RHOBTB2: variants seen among roughly 807,000 people sequenced by gnomAD.
The protein encoded by RHOBTB2 is Rho related BTB domain containing 2.
A neutral mutation model predicts 66.5 loss-of-function variants in RHOBTB2; 39 were observed. The observed-to-expected ratio is 0.59, with a 90% confidence interval of 0.45 to 0.77. The LOEUF is 0.77. Among genes scored for constraint, RHOBTB2 ranks in the 30% least tolerant of loss-of-function variants. The probability of loss-of-function intolerance (pLI) is 0.00; values close to 1 mark genes in which losing one functional copy is unlikely to be tolerated. For missense variants in RHOBTB2, 755 were observed against 999.1 expected (o/e 0.76, Z 3.29); for synonymous variants, 390 against 395.0 (o/e 0.99, Z 0.15).
chr8:22,970,504 G>A, the RHOBTB2 span, among the ~76,000 whole-genome samples: 2 of 151,964 alleles, frequency 1.3e-5, no homozygotes, highest in South Asian at 2.1e-4. Context: ...GGGAGACTAA[G>A]GCAGGAGGAT....
chr8:22,955,319 C>T, the RHOBTB2 span, among the ~76,000 whole-genome samples: 1 of 152,178 alleles, frequency 6.6e-6, no homozygotes, highest in Non-Finnish European at 1.5e-5. Flanking sequence ...GTAGCCCCTG[C>T]ACCGCCTTTC....
the RHOBTB2 span, among the ~76,000 whole-genome samples, chr8:22,952,353 A>G: frequency 6.6e-6 from 1 of 152,142 alleles, no homozygotes; most frequent in Admixed American, 6.5e-5. Flanking sequence ...CCATGCATGC[A>G]TGCCAAGTCC....
At chr8:23,003,342 G>A (rs1017290507) in intron 1 of RHOBTB2, among the ~76,000 whole-genome samples, 8 of 152,258 alleles carry the variant, frequency 5.3e-5, no homozygotes, top group Admixed American at 2.0e-4. Context: ...CTCTGGGGGT[G>A]GACAAGCCAC....
At chr8:22,981,887 C>A in the RHOBTB2 span, among the ~76,000 whole-genome samples, 1 of 132,830 alleles carries the variant, frequency 7.5e-6, no homozygotes, top group Admixed American at 7.3e-5. Flanking sequence ...CTTGCTGCTG[C>A]AGCCTGGGCG....
the RHOBTB2 span, among the ~76,000 whole-genome samples, chr8:22,960,179 T>C: frequency 4.2e-5 from 6 of 142,232 alleles, no homozygotes; most frequent in African/African-American, 1.5e-4. Flanking sequence ...TGAGACTCCA[T>C]CTAAAAAAAA....
At chr8:22,964,529 C>T in the RHOBTB2 span, among the ~76,000 whole-genome samples, 198 of 152,212 alleles carry the variant, frequency 1.3e-3, 1 homozygote, top group Middle Eastern at 3.4e-3. Context: ...AGCACCTGCT[C>T]CTATACCAGT....
chr8:23,010,892 G>A (rs766936493), intron 7 of RHOBTB2, among the ~76,000 whole-genome samples: 10 of 152,136 alleles, frequency 6.6e-5, no homozygotes, highest in Non-Finnish European at 1.3e-4. Context: ...TGTTTGATGG[G>A]GTCACCTGAG....
chr8:23,012,712 G>A (rs1811182329), intron 7 of RHOBTB2, among the ~76,000 whole-genome samples: 1 of 152,222 alleles, frequency 6.6e-6, no homozygotes, highest in South Asian at 2.1e-4. Context: ...TCAAATTCCT[G>A]GGCTCAAGCG....
the RHOBTB2 span, among the ~76,000 whole-genome samples, chr8:22,973,769 A>G: frequency 1.3e-5 from 2 of 152,150 alleles, no homozygotes. Flanking sequence ...TGCTTAGGGG[A>G]CAGAGGGAAG....
the RHOBTB2 span, among the ~76,000 whole-genome samples, chr8:22,963,930 C>T: frequency 7.2e-5 from 11 of 151,976 alleles, no homozygotes; most frequent in Admixed American, 5.2e-4. Flanking sequence ...TACAGGCATG[C>T]GCCACCATGC....
In RHOBTB2 at chr8:23,007,353, A is replaced by G; in HGVS notation, c.1108A>G (p.Ile370Val). The G allele has an allele frequency of 6.2e-7, 1 of 1,613,770 alleles. No individual in the cohort carries two copies. Residue 370 changes from isoleucine (I) to valine (V), a missense_variant, in exon 5 of 10, where the codon ATC (isoleucine) becomes GTC (valine). Coordinates refer to ENST00000251822, the MANE Select transcript of RHOBTB2 (RefSeq NM_015178.3). ...CCTCCGTGCTTCCACCAGCGACGGG[A>G]TCTTACGGGGCAACGGAACAGGGTA... ...AGLRASTSDG[I>V]LRGNGTGYLP...
At chr8:22,977,439 G>C in the RHOBTB2 span, among the ~76,000 whole-genome samples, 1 of 152,098 alleles carries the variant, frequency 6.6e-6, no homozygotes, top group African/African-American at 2.4e-5. Context: ...GGGCATGGTG[G>C]TGTGTGCCTG....
Position 23,007,694 on chromosome 8 carries a change from C to A in RHOBTB2, c.1449C>A (p.His483Gln), listed in dbSNP as rs150932568. The change falls in exon 5 of 10, where the codon CAC becomes CAA. Residue 483 changes from histidine to glutamine, a missense_variant. By Grantham distance (24) the His-to-Gln change is conservative. This residue lies in a region of RHOBTB2 where 353 missense variants were observed against 458.2 expected (regional missense o/e 0.77). Transcript: ENST00000251822. ...ACCAGGAGATCACCAAGGCCTTCCA[C>A]GTCCGCCGGACCAACCGGGTTAAGG... ...FMNQEITKAF[H>Q]VRRTNRVKEC... 2 of 1,614,042 alleles carry A rather than the reference C, an allele frequency of 1.2e-6. No homozygotes were observed. Among genetic ancestry groups the A allele is most frequent in the Non-Finnish European group, 1.7e-6 (2 of 1,180,016 alleles).
chr8:23,000,920 C>T (rs1003347766), intron 1 of RHOBTB2, among the ~76,000 whole-genome samples: 9 of 151,428 alleles, frequency 5.9e-5, no homozygotes, highest in Admixed American at 4.0e-4. Context: ...CAGACTAGGG[C>T]AGCCACAGAT....
the RHOBTB2 span, among the ~76,000 whole-genome samples, chr8:22,958,428 G>A: frequency 6.6e-6 from 1 of 152,126 alleles, no homozygotes; most frequent in Non-Finnish European, 1.5e-5. Flanking sequence ...GAAACTTGAA[G>A]GAACTTGTTT....
At chr8:22,999,037 C>G (rs1810668445), upstream of RHOBTB2, 1 of 152,214 alleles carries the variant, frequency 6.6e-6, no homozygotes, top group Non-Finnish European at 1.5e-5. Flanking sequence ...AGGTACCCAC[C>G]CCACAACTCA....
the RHOBTB2 span, among the ~76,000 whole-genome samples, chr8:22,965,398 A>G: frequency 6.7e-6 from 1 of 149,780 alleles, no homozygotes; most frequent in Non-Finnish European, 1.5e-5. Flanking sequence ...TCAAAATCCC[A>G]ATTATGCTTT....
At position 23,019,034 on chromosome 8, in the gene RHOBTB2, A is replaced by G. The variant is rs150553086; in HGVS notation, c.*1565A>G. On this transcript the variant is annotated 3_prime_UTR_variant, in exon 10 of 10. Coordinates refer to ENST00000251822, the MANE Select transcript of RHOBTB2 (RefSeq NM_015178.3). ...CCCCGACTCAGATTTCACCACCCAC[A>G]CTCTTTTTAGGTGTAAAAGATGGAG... The G allele has an allele frequency of 6.6e-6, 1 of 152,170 alleles. No individual in the cohort carries two copies. Among genetic ancestry groups the G allele is most frequent in the Non-Finnish European group, 1.5e-5 (1 of 68,064 alleles). 9.4% of individuals were successfully genotyped at this position (152,170 alleles called of 1,614,324 possible). A position where few individuals can be genotyped will look rare whatever the true frequency, so the allele number is the denominator to read the frequency against.
At chr8:22,990,109 A>G (rs921900378) in intron 1 of RHOBTB2, among the ~76,000 whole-genome samples, 7 of 152,364 alleles carry the variant, frequency 4.6e-5, no homozygotes, top group Middle Eastern at 3.4e-3. Flanking sequence ...ACATGATAGC[A>G]TATCATCATT....
Sources: allele counts gnomAD v4.1 joint callset (sites outside exome capture counted in the v4.1 genomes callset), GRCh38; gene constraint gnomAD v4.1.1; regional missense constraint gnomAD v4.1.1; transcripts MANE v1.5; gene names NCBI Gene and HGNC (gene_info 2026-07-23, HGNC 2026-07-21).